Variants in EPS15L1 observed in about 807,000 individuals in gnomAD.
EPS15L1 encodes epidermal growth factor receptor pathway substrate 15 like 1.
In EPS15L1, 43 loss-of-function variants were observed where a neutral mutation model predicts 117.1. The observed-to-expected ratio is 0.37, with a 90% CI of 0.29 to 0.47. EPS15L1 has a LOEUF of 0.47. Among genes scored for constraint, EPS15L1 ranks in the 20% least tolerant of loss-of-function variants. EPS15L1 has a pLI of 0.99. For missense variants in EPS15L1, 981 were observed against 1,164.0 expected (o/e 0.84, Z 2.29); for synonymous variants, 459 against 470.5 (o/e 0.98, Z 0.32).
At chr19:16,385,286 T>G in intron 20 of EPS15L1, 75 bp from the exon 21 acceptor site, 1 of 1,236,778 alleles carries the variant, frequency 8.1e-7, no homozygotes, top group Non-Finnish European at 1.2e-6. Context: ...GGGGAAATGC[T>G]AGATGGCCCC....
At chr19:16,427,088 G>C (rs2092879830) in intron 8 of EPS15L1, among the ~76,000 whole-genome samples, 1 of 152,116 alleles carries the variant, frequency 6.6e-6, no homozygotes, top group South Asian at 2.1e-4. Context: ...AGTGATGGAG[G>C]GAGGGAGGAA....
At chr19:16,408,278 C>T (rs1454986774) in intron 13 of EPS15L1, among the ~76,000 whole-genome samples, 1 of 152,116 alleles carries the variant, frequency 6.6e-6, no homozygotes, top group Non-Finnish European at 1.5e-5. Flanking sequence ...TCCACACAAT[C>T]CCTGTCAGAA....
chr19:16,421,819 G>A (rs376401617), intron 9 of EPS15L1, among the ~76,000 whole-genome samples: 1 of 152,044 alleles, frequency 6.6e-6, no homozygotes, highest in African/African-American at 2.4e-5. Flanking sequence ...AGACCCTCCC[G>A]AGCACCCACT....
At chr19:16,433,351 C>T (rs1364581790) in intron 7 of EPS15L1, among the ~76,000 whole-genome samples, 2 of 151,998 alleles carry the variant, frequency 1.3e-5, no homozygotes, top group South Asian at 2.1e-4. Flanking sequence ...AGGCTGTTCT[C>T]GAACTCCTGA....
intron 13 of EPS15L1, among the ~76,000 whole-genome samples, chr19:16,410,130 T>G (rs2092693924): frequency 7.4e-6 from 1 of 136,054 alleles, no homozygotes; most frequent in African/African-American, 2.9e-5. Context: ...TGAGACTCCG[T>G]CTCAAAAAAA....
intron 13 of EPS15L1, among the ~76,000 whole-genome samples, chr19:16,411,401 G>A (rs1375084881): frequency 3.9e-5 from 6 of 152,190 alleles, no homozygotes; most frequent in African/African-American, 1.4e-4. Flanking sequence ...AACAGTTAAC[G>A]ATGAATCTTT....
rs1323262679 is a variant in EPS15L1 at position 16,471,955 on chromosome 19, G to A, written c.-10C>T. ...TGAGCGGCGCCGCCATCTTCCCGCG[G>A]ACTCGGGCTCCGAGCGCCGGGGGAA... is the stretch of plus-strand genomic sequence containing the variant. On this transcript the variant is annotated 5_prime_UTR_variant, in exon 1 of 24. Transcript: ENST00000455140. The surrounding 1 kb of genome is among the most constrained non-coding windows in gnomAD (Gnocchi z 4.8). The A allele has an allele frequency of 1.6e-6, 2 of 1,286,880 alleles. No homozygotes were observed. The highest frequency in any genetic ancestry group is 9.8e-7 in the Non-Finnish European group (1 of 1,017,932). 79.7% of individuals were successfully genotyped at this position (1,286,880 alleles called of 1,614,324 possible). A position where few individuals can be genotyped will look rare whatever the true frequency, so the allele number is the denominator to read the frequency against.
intron 9 of EPS15L1, among the ~76,000 whole-genome samples, chr19:16,422,231 C>T (rs1234018243): frequency 6.6e-6 from 1 of 152,162 alleles, no homozygotes; most frequent in Non-Finnish European, 1.5e-5. Flanking sequence ...AGGCAAACGC[C>T]ATCATGGGTC....
chr19:16,363,787 G>C (rs1288635318), intron 22 of EPS15L1, among the ~76,000 whole-genome samples: 7 of 152,246 alleles, frequency 4.6e-5, no homozygotes, highest in Admixed American at 3.3e-4. Context: ...CCCCTTGCCT[G>C]TAGCCCTACT....
intron 4 of EPS15L1, among the ~76,000 whole-genome samples, chr19:16,439,264 C>T (rs988775785): frequency 1.3e-5 from 2 of 151,766 alleles, no homozygotes; most frequent in African/African-American, 4.8e-5. Context: ...GACCTTTCAT[C>T]CCTGCAAGGT....
intron 9 of EPS15L1, among the ~76,000 whole-genome samples, chr19:16,422,397 C>T (rs1472220103): frequency 6.6e-6 from 1 of 150,728 alleles, no homozygotes; most frequent in Admixed American, 6.6e-5. Context: ...GAACTCTAGA[C>T]GTGCTTTTCC....
At chr19:16,422,966 A>C (rs1390043859) in intron 9 of EPS15L1, among the ~76,000 whole-genome samples, 3 of 139,450 alleles carry the variant, frequency 2.2e-5, no homozygotes, top group Non-Finnish European at 4.7e-5. Context: ...TCGGGGAAAA[A>C]AAAAGGGGGG....
At chr19:16,460,573 C>A (rs1330263805) in intron 1 of EPS15L1, among the ~76,000 whole-genome samples, 1 of 152,166 alleles carries the variant, frequency 6.6e-6, no homozygotes, top group Non-Finnish European at 1.5e-5. Context: ...AGCAAAATAA[C>A]AGCAACAATT....
chr19:16,445,173 C>T (rs527255382), intron 1 of EPS15L1, among the ~76,000 whole-genome samples: 2 of 152,296 alleles, frequency 1.3e-5, no homozygotes, highest in East Asian at 1.9e-4. Context: ...CAACAAGATC[C>T]GCAACCAAGA....
At chr19:16,455,568 C>T (rs771335567) in intron 1 of EPS15L1, among the ~76,000 whole-genome samples, 1 of 152,230 alleles carries the variant, frequency 6.6e-6, no homozygotes, top group African/African-American at 2.4e-5. Context: ...CACCTATGGG[C>T]TGTGTTCTCC....
rs900135054 is a variant in EPS15L1 at position 16,456,691 on chromosome 19, T to G, written c.34-14472A>C. On this transcript the variant is annotated intron_variant, in intron 1 of 23. Transcript: ENST00000455140. The stretch of plus-strand genomic sequence containing the variant: ...AAACAAAAACAAAACAAACAAAAAA[T>G]AGAGTCCTGGGCTTCAGGAAGGGCA... Among the ~76,000 whole-genome samples, 9 of 146,782 alleles carry G rather than the reference T, an allele frequency of 6.1e-5. No individual in the cohort carries two copies. The South Asian group carries it at 1.5e-3, about 25-fold the overall frequency.
At chr19:16,425,989 G>C (rs1200186776) in intron 8 of EPS15L1, among the ~76,000 whole-genome samples, 1 of 152,184 alleles carries the variant, frequency 6.6e-6, no homozygotes, top group African/African-American at 2.4e-5. Flanking sequence ...GCCAGATTAA[G>C]GCGAGACTCA....
At chr19:16,442,113 T>C (rs2093037941) in intron 2 of EPS15L1, 65 bp downstream of exon 2, 2 of 1,536,750 alleles carry the variant, frequency 1.3e-6, no homozygotes, top group Non-Finnish European at 1.8e-6. Flanking sequence ...GGGCTTCTAT[T>C]CTGTACTGTG....
intron 16 of EPS15L1, among the ~76,000 whole-genome samples, chr19:16,400,061 G>A (rs1044038691): frequency 1.3e-5 from 2 of 152,150 alleles, no homozygotes; most frequent in African/African-American, 4.8e-5. Flanking sequence ...ACTTTGGCGG[G>A]TGAGGTGGCT....
Sources: gnomAD v4.1 joint callset for allele counts (sites outside exome capture counted in the v4.1 genomes callset) on GRCh38, gnomAD v4.1.1 for gene constraint, Gnocchi (gnomAD v3.1) non-coding constraint, MANE v1.5 for transcripts, NCBI Gene and HGNC (gene_info 2026-07-23, HGNC 2026-07-21) for gene names.